Variants in DMTF1 observed in about 807,000 individuals in gnomAD.
DMTF1 encodes the protein cyclin D binding myb like transcription factor 1.
DMTF1 carries 39 observed loss-of-function variants against 91.1 expected under a neutral mutation model. The ratio of observed to expected loss-of-function variants is 0.43; its 90% CI spans 0.33 to 0.56. DMTF1 has a LOEUF of 0.56. Ranked by LOEUF, DMTF1 falls within the 20% of genes least tolerant of loss-of-function variation. The probability of loss-of-function intolerance (pLI) is 0.05; values close to 1 mark genes in which losing one functional copy is unlikely to be tolerated. For missense variants in DMTF1, 750 were observed against 914.5 expected, an observed-to-expected ratio of 0.82 and a Z score of 2.32; for synonymous variants, 338 against 309.5, an observed-to-expected ratio of 1.09 and a Z score of -0.97.
chr7:87,160,858 A>C (rs1220146365), intron 1 of DMTF1, among the ~76,000 whole-genome samples: 2 of 152,076 alleles, frequency 1.3e-5, no homozygotes, highest in Non-Finnish European at 2.9e-5. Context: ...TTGACTTCCC[A>C]AATTTAGTGG....
At chr7:87,169,594 G>C (rs1485687370) in intron 4 of DMTF1, among the ~76,000 whole-genome samples, 1 of 152,168 alleles carries the variant, frequency 6.6e-6, no homozygotes, top group East Asian at 1.9e-4. Context: ...ACTTACTCCA[G>C]TCAAGCTTTC....
chr7:87,179,523 C>G, intron 7 of DMTF1, 22 bp from the exon 8 acceptor site: 1 of 1,478,022 alleles, frequency 6.8e-7, no homozygotes, highest in Non-Finnish European at 8.9e-7. Context: ...ATCCCTAAAT[C>G]AAAGAAATGT....
intron 8 of DMTF1, 116 bp from the exon 9 acceptor site, chr7:87,181,193 G>C (rs1797295787): frequency 1.8e-6 from 1 of 569,184 alleles, no homozygotes. Flanking sequence ...TACTTTAAAA[G>C]TATTATATGC....
At position 87,166,456 on chromosome 7, in the gene DMTF1, TTTTG is replaced by T. The variant is rs748735971; in HGVS notation, c.110-15_110-12del. ...TTATTTTCCCTCTTTGGTTTGAAAT[TTTTG>T]TTTGTTTGTTTTCTTCCATTAGAAG... On this transcript the variant is annotated intron_variant, in intron 3 of 17. Transcript: ENST00000331242. 3.8e-4 allele frequency: 606 copies of T among 1,588,164 alleles called. 1 individual carries two copies. Among genetic ancestry groups the T allele is most frequent in the Middle Eastern group, 1.0e-3 (6 of 5,932 alleles).
chr7:87,185,264 C>T (rs188195988), intron 11 of DMTF1, among the ~76,000 whole-genome samples: 5 of 152,206 alleles, frequency 3.3e-5, no homozygotes, highest in Admixed American at 1.3e-4. Flanking sequence ...TACTCCCTAC[C>T]GAAAATCAAA....
At chr7:87,180,035 C>T (rs1797002172) in intron 8 of DMTF1, among the ~76,000 whole-genome samples, 1 of 152,002 alleles carries the variant, frequency 6.6e-6, no homozygotes, top group East Asian at 1.9e-4. Flanking sequence ...AACATTTTTC[C>T]TATTTATTTT....
At chr7:87,166,657 T>G (rs777922252) in intron 4 of DMTF1, 52 bp downstream of exon 4, 43 of 1,578,176 alleles carry the variant, frequency 2.7e-5, no homozygotes, top group Middle Eastern at 3.3e-4. Context: ...AATCAAAGTT[T>G]AGCTTCCAAG....
chr7:87,185,788 A>G, intron 11 of DMTF1, 41 bp from the exon 12 acceptor site: 1 of 1,608,838 alleles, frequency 6.2e-7, no homozygotes, highest in Non-Finnish European at 8.5e-7. Flanking sequence ...CTTATAGAGA[A>G]ATTAATTTAA....
chr7:87,164,505 T>TA (rs1348749241), intron 2 of DMTF1, among the ~76,000 whole-genome samples: 1 of 152,200 alleles, frequency 6.6e-6, no homozygotes, highest in Non-Finnish European at 1.5e-5. Flanking sequence ...TAAATACCTG[T>TA]AAAAAATGTT....
At chr7:87,167,579 A>G (rs529938313) in intron 4 of DMTF1, among the ~76,000 whole-genome samples, 1 of 141,264 alleles carries the variant, frequency 7.1e-6, no homozygotes, top group Non-Finnish European at 1.6e-5. Flanking sequence ...ATGGAAAATC[A>G]TATCTATCAT....
chr7:87,183,956 C>T (rs1468803913), intron 10 of DMTF1, among the ~76,000 whole-genome samples: 1 of 152,132 alleles, frequency 6.6e-6, no homozygotes, highest in Non-Finnish European at 1.5e-5. Context: ...TCCCTTGTCC[C>T]TCATCATTCA....
At chr7:87,168,901 C>T (rs553523346) in intron 4 of DMTF1, among the ~76,000 whole-genome samples, 17 of 152,158 alleles carry the variant, frequency 1.1e-4, no homozygotes, top group Non-Finnish European at 1.9e-4. Flanking sequence ...TAACCCTATT[C>T]CCTCTTCACA....
At chr7:87,169,173 C>A (rs1359540936) in intron 4 of DMTF1, among the ~76,000 whole-genome samples, 1 of 152,158 alleles carries the variant, frequency 6.6e-6, no homozygotes, top group African/African-American at 2.4e-5. Context: ...AATAAAAAGT[C>A]CCTGGTCAGG....
chr7:87,166,340 C>T, intron 3 of DMTF1, 143 bp from the exon 4 acceptor site: 1 of 741,068 alleles, frequency 1.3e-6, no homozygotes, highest in East Asian at 2.7e-5. Context: ...CTTTTGAATC[C>T]TGTTTGCACA....
chr7:87,181,503 C>T (rs1179099846), intron 9 of DMTF1, among the ~76,000 whole-genome samples, 162 bp downstream of exon 9: 1 of 152,154 alleles, frequency 6.6e-6, no homozygotes, highest in Non-Finnish European at 1.5e-5. Context: ...CCATTACTTG[C>T]ACAAAATAAC....
chr7:87,193,401 G>T, intron 15 of DMTF1, 48 bp downstream of exon 15: 2 of 1,599,054 alleles, frequency 1.3e-6, no homozygotes, highest in African/African-American at 2.7e-5. Flanking sequence ...TATAGACCAG[G>T]ATTAGTTGAT....
At chr7:87,183,809 A>G (rs1470338352) in intron 10 of DMTF1, among the ~76,000 whole-genome samples, 1 of 152,214 alleles carries the variant, frequency 6.6e-6, no homozygotes, top group Admixed American at 6.5e-5. Context: ...GGGTTGAGAA[A>G]ACACAGGAAT....
intron 1 of DMTF1, among the ~76,000 whole-genome samples, chr7:87,160,712 T>A (rs1028637133): frequency 7.9e-5 from 12 of 152,226 alleles, no homozygotes; most frequent in African/African-American, 2.9e-4. Flanking sequence ...TACTTCTCAG[T>A]TATCTTTCCC....
At chr7:87,156,330 T>C (rs1385882368) in intron 1 of DMTF1, among the ~76,000 whole-genome samples, 1 of 152,210 alleles carries the variant, frequency 6.6e-6, no homozygotes, top group Non-Finnish European at 1.5e-5. Context: ...TTTCAATAGT[T>C]GGTAATTGAA....
Sources: allele counts gnomAD v4.1 joint callset (sites outside exome capture counted in the v4.1 genomes callset), GRCh38; gene constraint gnomAD v4.1.1; transcripts MANE v1.5; gene names NCBI Gene and HGNC (gene_info 2026-07-23, HGNC 2026-07-21).